PCDHA10: variants seen among roughly 807,000 people sequenced by gnomAD.
PCDHA10 encodes protocadherin alpha 10, also known as protocadherin alpha-10.
Under a neutral mutation model 61.2 loss-of-function variants are expected in PCDHA10, and 45 were observed. That is an observed-to-expected ratio of 0.74 (90% CI 0.58 to 0.94). PCDHA10 has a LOEUF of 0.94. Ranked by LOEUF, PCDHA10 falls within the 40% of genes least tolerant of loss-of-function variation. PCDHA10 has a pLI of 0.00. For synonymous variants in PCDHA10, 602 were observed against 548.8 expected, an observed-to-expected ratio of 1.10 and a Z score of -1.35; for missense variants, 1,278 against 1,236.2, an observed-to-expected ratio of 1.03 and a Z score of -0.51.
Position 140,857,472 on chromosome 5 carries a change from C to A in PCDHA10, c.1424C>A (p.Thr475Lys). 1 of 1,598,636 alleles carries A rather than the reference C, an allele frequency of 6.3e-7. No individual in the cohort carries two copies. The highest frequency in any genetic ancestry group is 8.6e-7 in the Non-Finnish European group (1 of 1,167,920). Reference protein sequence around the residue: ...ENNPPGCHIFTVSAWDADAQE... With the variant: ...ENNPPGCHIFKVSAWDADAQE... Reference sequence around the variant, plus strand: ...AACCCGCCAGGCTGCCACATCTTCACGGTGTCTGCGTGGGACGCGGACGCG... The same window carrying A: ...AACCCGCCAGGCTGCCACATCTTCAAGGTGTCTGCGTGGGACGCGGACGCG... Residue 475 changes from threonine (T) to lysine (K), a missense_variant, in exon 1 of 4, where the codon ACG (threonine) becomes AAG (lysine). Physicochemically the swap from Thr to Lys is moderately conservative, Grantham distance 78. Coordinates refer to ENST00000307360, the MANE Select transcript of PCDHA10 (RefSeq NM_018901.4).
chr5:140,926,812 G>C, intron 1 of PCDHA10: 3 of 1,459,082 alleles, frequency 2.1e-6, no homozygotes, highest in Non-Finnish European at 1.8e-6. Flanking sequence ...CCCGCGGCTC[G>C]TGCTCTCCAG....
intron 1 of PCDHA10, among the ~76,000 whole-genome samples, chr5:140,941,916 A>G (rs191775899): frequency 2.8e-3 from 421 of 152,316 alleles, no homozygotes; most frequent in Middle Eastern, 6.8e-3. Flanking sequence ...GCTTTTATGT[A>G]TATCTTAAAA....
At chr5:140,869,204 C>T in intron 1 of PCDHA10, 1 of 1,613,960 alleles carries the variant, frequency 6.2e-7, no homozygotes, top group Non-Finnish European at 8.5e-7. Context: ...CTCCACTACT[C>T]CGTCTCGGAG....
intron 1 of PCDHA10, among the ~76,000 whole-genome samples, chr5:140,936,450 T>C (rs1217629620): frequency 6.6e-6 from 1 of 152,234 alleles, no homozygotes; most frequent in Non-Finnish European, 1.5e-5. Context: ...TAACCACATC[T>C]GTTTAGTGGT....
At chr5:140,967,468 C>T (rs155807) in intron 1 of PCDHA10, 541,339 of 1,613,022 alleles carry the variant, frequency 0.34, 92,423 homozygotes, top group East Asian at 0.5. Context: ...ATGGGGGCAT[C>T]CCAGCCCGCT....
intron 1 of PCDHA10, among the ~76,000 whole-genome samples, chr5:140,888,287 C>G (rs1371852276): frequency 6.6e-6 from 1 of 152,072 alleles, no homozygotes; most frequent in African/African-American, 2.4e-5. Flanking sequence ...CCCCTCTACC[C>G]CCTACCCAGG....
intron 1 of PCDHA10, among the ~76,000 whole-genome samples, chr5:140,952,915 G>GGCATGA (rs2094816103): frequency 6.6e-6 from 1 of 151,986 alleles, no homozygotes; most frequent in African/African-American, 2.4e-5. Flanking sequence ...CATCTTACAT[G>GGCATGA]GCATGAGCAG....
chr5:140,928,798 G>A lies in PCDHA10; in HGVS notation c.2389-50151G>A, dbSNP rs1015507486. On this transcript the variant is annotated intron_variant, in intron 1 of 3. Transcript: ENST00000307360. ...TGATGCAGTTAAGCAGAGGGTGGTGGTAGTGGTTCGGGACCATGGAGACCC... is the reference window on the plus strand; with the variant it reads ...TGATGCAGTTAAGCAGAGGGTGGTGATAGTGGTTCGGGACCATGGAGACCC... 2.4e-5 allele frequency: 38 copies of A among 1,614,046 alleles called. No homozygotes were observed. Among genetic ancestry groups the A allele is most frequent in the Non-Finnish European group, 3.2e-5 (38 of 1,180,052 alleles).
intron 1 of PCDHA10, among the ~76,000 whole-genome samples, chr5:140,963,787 A>G (rs155812): frequency 0.31 from 47,834 of 152,128 alleles, 7,882 homozygotes; most frequent in East Asian, 0.53. Context: ...AACAACAACA[A>G]TAATGTACTT....
chr5:140,988,324 C>T (rs2097292768), intron 3 of PCDHA10, among the ~76,000 whole-genome samples: 1 of 152,206 alleles, frequency 6.6e-6, no homozygotes, highest in African/African-American at 2.4e-5. Flanking sequence ...CTTTCTCTAC[C>T]CGAGGAAAGT....
intron 1 of PCDHA10, among the ~76,000 whole-genome samples, chr5:140,946,813 G>T (rs2094033515): frequency 6.6e-6 from 1 of 151,408 alleles, no homozygotes; most frequent in South Asian, 2.1e-4. Flanking sequence ...GTATAACAGT[G>T]ATTACCAGAG....
intron 2 of PCDHA10, among the ~76,000 whole-genome samples, chr5:140,979,323 T>C (rs2096844622): frequency 6.6e-6 from 1 of 152,180 alleles, no homozygotes; most frequent in Non-Finnish European, 1.5e-5. Context: ...TATGCTTTCT[T>C]TTCCTCCTTT....
rs1554149241 is a variant in PCDHA10, at chr5:140,856,873, A to C, written c.825A>C (p.Glu275Asp). The C allele has an allele frequency of 1.9e-6, 3 of 1,595,922 alleles. 1 individual carries two copies. The African/African-American group carries it at 4.0e-5, about 21-fold the overall frequency. The change falls in exon 1 of 4, where the codon GAA becomes GAC. Residue 275 changes from glutamate (E) to aspartate (D), a missense_variant. Transcript: ENST00000307360. ...ATTCGGATGAAGGAATAAACAAGGA[A>C]ATGATGTATTCATTTAGCTCTTTGG... ...ASDSDEGINKEMMYSFSSLVP... is the reference protein window; with the variant it reads ...ASDSDEGINKDMMYSFSSLVP...
At chr5:141,000,379 C>G (rs1286955585) in intron 3 of PCDHA10, among the ~76,000 whole-genome samples, 6 of 60,366 alleles carry the variant, frequency 9.9e-5, no homozygotes, top group South Asian at 5.4e-4. Context: ...CTCTCTCTCT[C>G]TCTCTCTCTC....
At chr5:140,927,889 G>A in intron 1 of PCDHA10, 3 of 1,614,226 alleles carry the variant, frequency 1.9e-6, no homozygotes, top group Non-Finnish European at 2.5e-6. Flanking sequence ...GGTGACTGAC[G>A]TGAACGATCA....
intron 1 of PCDHA10, among the ~76,000 whole-genome samples, chr5:140,962,845 C>G (rs2095712902): frequency 6.6e-6 from 1 of 152,172 alleles, no homozygotes; most frequent in African/African-American, 2.4e-5. Flanking sequence ...TATTATATAA[C>G]TTGTGCTCGG....
intron 1 of PCDHA10, among the ~76,000 whole-genome samples, chr5:140,949,891 T>G (rs2094429972): frequency 6.6e-6 from 1 of 151,864 alleles, no homozygotes; most frequent in African/African-American, 2.4e-5. Context: ...TTCCTCAGAA[T>G]CTCTTTTAAT....
intron 1 of PCDHA10, among the ~76,000 whole-genome samples, chr5:140,909,091 C>T: frequency 6.6e-6 from 1 of 152,220 alleles, no homozygotes; most frequent in Non-Finnish European, 1.5e-5. Flanking sequence ...TGCTACTTCT[C>T]ACTCACTGGG....
chr5:141,004,888 G>A lies in PCDHA10; in HGVS notation c.2537-4739G>A, dbSNP rs555046086. ...TTTCTCATCCCTAAAGTGCTATTGT[G>A]TCAGCTCTGCCAGGGTGTAAGGAAA... On this transcript the variant is annotated intron_variant, in intron 3 of 3. Transcript: ENST00000307360. Among the ~76,000 whole-genome samples the A allele has an allele frequency of 2.0e-5, 3 of 152,250 alleles. No individual in the cohort carries two copies. The East Asian group carries it at 5.8e-4, about 29-fold the overall frequency.
Sources: allele counts gnomAD v4.1 joint callset (sites outside exome capture counted in the v4.1 genomes callset), GRCh38; gene constraint gnomAD v4.1.1; transcripts MANE v1.5; gene names NCBI Gene and HGNC (gene_info 2026-07-23, HGNC 2026-07-21).